CFAP47: variants seen among roughly 807,000 people sequenced by gnomAD.
CFAP47 encodes cilia and flagella associated protein 47, also known as cilia- and flagella-associated protein 47.
Under a neutral mutation model 148.1 loss-of-function variants are expected in CFAP47, and 29 were observed. That is an observed-to-expected ratio of 0.20 (90% CI 0.15 to 0.27). CFAP47 has a LOEUF of 0.27. Ranked by LOEUF, CFAP47 falls within the 10% of genes least tolerant of loss-of-function variation. The pLI is 1.00. For synonymous variants in CFAP47, 664 were observed against 577.3 expected (o/e 1.15, Z -2.15); for missense variants, 1,872 against 1,697.5 (o/e 1.10, Z -1.81).
intron 39 of CFAP47, among the ~76,000 whole-genome samples, chrX:36,177,194 C>T (rs1006932209): frequency 8.9e-6 from 1 of 111,854 alleles, no homozygotes; most frequent in South Asian, 3.7e-4. Context: ...TTTAGGAAAA[C>T]GTGCTCTTTG....
chrX:36,053,080 T>G (rs537856901), intron 26 of CFAP47, among the ~76,000 whole-genome samples: 1 of 112,114 alleles, frequency 8.9e-6, no homozygotes, highest in African/African-American at 3.2e-5. Flanking sequence ...CTGCTTTTTA[T>G]GTGCCTTTTT....
At chrX:35,999,161 T>C (rs1050873287) in intron 19 of CFAP47, among the ~76,000 whole-genome samples, 1 of 112,196 alleles carries the variant, frequency 8.9e-6, no homozygotes, top group Non-Finnish European at 1.9e-5. Flanking sequence ...GTGATTATTT[T>C]TACATATACA....
In CFAP47 at chrX:36,384,791, A is replaced by T. The variant is rs1162969467; in HGVS notation, c.9355-6A>T. ...CAAATGAAAATTTCTCCCTCTTTCTATCCAGACAGAAGAAATGTACTGGAA... is the reference window on the plus strand; with the variant it reads ...CAAATGAAAATTTCTCCCTCTTTCTTTCCAGACAGAAGAAATGTACTGGAA... On this transcript the variant is annotated splice_polypyrimidine_tract_variant and splice_region_variant and intron_variant, in intron 63 of 63. Coordinates refer to ENST00000378653, the MANE Select transcript of CFAP47 (RefSeq NM_001304548.2). The T allele has an allele frequency of 8.7e-7, 1 of 1,147,551 alleles. No individual in the cohort carries two copies. The highest frequency in any genetic ancestry group is 1.2e-6 in the Non-Finnish European group (1 of 856,257). 94.6% of individuals were successfully genotyped at this position (1,147,551 alleles called of 1,213,427 possible).
chrX:35,927,541 G>T (rs1214057641), intron 2 of CFAP47, among the ~76,000 whole-genome samples: 1 of 110,612 alleles, frequency 9.0e-6, no homozygotes, highest in Non-Finnish European at 1.9e-5. Flanking sequence ...CACCATGGTT[G>T]CAATATAAGA....
At chrX:36,070,995 G>A (rs894112045) in intron 27 of CFAP47, among the ~76,000 whole-genome samples, 5 of 112,416 alleles carry the variant, frequency 4.4e-5, no homozygotes, top group African/African-American at 1.6e-4. Context: ...ACTGCCCTGA[G>A]CTGCTACCCT....
chrX:35,930,041 A>G (rs73466962), intron 2 of CFAP47, among the ~76,000 whole-genome samples: 1,661 of 111,568 alleles, frequency 0.015, 28 homozygotes, highest in African/African-American at 0.051. Flanking sequence ...ACAGTGAGAC[A>G]TCCTTTCCTG....
intron 22 of CFAP47, among the ~76,000 whole-genome samples, chrX:36,026,047 A>G (rs757006623): frequency 8.9e-6 from 1 of 112,073 alleles, no homozygotes; most frequent in African/African-American, 3.2e-5. Context: ...ACTTCCAAAA[A>G]GTACATATGT....
At chrX:36,246,655 G>A (rs1940619247) in intron 48 of CFAP47, among the ~76,000 whole-genome samples, 1 of 111,552 alleles carries the variant, frequency 9.0e-6, no homozygotes, top group Non-Finnish European at 1.9e-5. Context: ...GTTTTGATAC[G>A]TGGGGATTAT....
chrX:36,273,749 A>G (rs1940984299), intron 49 of CFAP47, among the ~76,000 whole-genome samples: 1 of 111,582 alleles, frequency 9.0e-6, no homozygotes, highest in Non-Finnish European at 1.9e-5. Context: ...ATTTCATTTG[A>G]AGATTTACTG....
intron 11 of CFAP47, 71 bp downstream of exon 11, chrX:35,970,994 C>T (rs1443727440): frequency 1.2e-6 from 1 of 852,949 alleles, no homozygotes. Context: ...TTTTTTAACT[C>T]CTTGGTTTCT....
intron 40 of CFAP47, among the ~76,000 whole-genome samples, chrX:36,184,258 C>T (rs1252289677): frequency 9.0e-6 from 1 of 111,168 alleles, no homozygotes; most frequent in East Asian, 2.8e-4. Context: ...CAAATTGTGA[C>T]CTGAAATATG....
chrX:36,139,858 T>G (rs1939109380), intron 35 of CFAP47, among the ~76,000 whole-genome samples: 1 of 111,891 alleles, frequency 8.9e-6, no homozygotes, highest in South Asian at 3.7e-4. Context: ...TTAATGTCAC[T>G]TTGTACCATT....
chrX:36,020,684 G>C (rs942354376), intron 22 of CFAP47, among the ~76,000 whole-genome samples: 5 of 111,710 alleles, frequency 4.5e-5, no homozygotes, highest in African/African-American at 1.6e-4. Flanking sequence ...CTGTTGGAAT[G>C]AAATATCTTT....
intron 34 of CFAP47, 82 bp downstream of exon 34, chrX:36,138,137 A>G (rs1247393674): frequency 1.8e-6 from 1 of 553,590 alleles, no homozygotes; most frequent in African/African-American, 2.4e-5. Flanking sequence ...TTTTCTGTAA[A>G]CAGATTATTT....
intron 60 of CFAP47, among the ~76,000 whole-genome samples, chrX:36,354,198 C>T (rs1227169422): frequency 2.7e-5 from 3 of 111,158 alleles, no homozygotes; most frequent in Non-Finnish European, 5.7e-5. Context: ...TTTACTATCT[C>T]GGGCCAGGTG....
chrX:35,968,740 T>A (rs1394055090), intron 10 of CFAP47, among the ~76,000 whole-genome samples: 1 of 110,923 alleles, frequency 9.0e-6, no homozygotes, highest in Non-Finnish European at 1.9e-5. Flanking sequence ...ATTTTACAAA[T>A]TCCATCCAAA....
chrX:36,197,199 A>G (rs1430948911), intron 42 of CFAP47, among the ~76,000 whole-genome samples: 1 of 112,193 alleles, frequency 8.9e-6, no homozygotes, highest in Non-Finnish European at 1.9e-5. Context: ...GTGGAAATTG[A>G]GTGGAGTCCT....
intron 33 of CFAP47, among the ~76,000 whole-genome samples, chrX:36,107,254 A>T (rs6632491): frequency 0.25 from 27,404 of 111,728 alleles, 4,456 homozygotes; most frequent in African/African-American, 0.59. Flanking sequence ...CTGTACAGTA[A>T]AAAAGTCCTT....
intron 37 of CFAP47, among the ~76,000 whole-genome samples, chrX:36,154,801 C>CT (rs368274813): frequency 0.024 from 2,334 of 99,002 alleles, 29 homozygotes; most frequent in African/African-American, 0.052. Context: ...GTAATGTTGG[C>CT]TTTTTTTTTT....
Sources: gnomAD v4.1 joint callset for allele counts (sites outside exome capture counted in the v4.1 genomes callset) on GRCh38, gnomAD v4.1.1 for gene constraint, MANE v1.5 for transcripts, NCBI Gene and HGNC (gene_info 2026-07-23, HGNC 2026-07-21) for gene names.